CCDC148: variants seen among roughly 807,000 people sequenced by gnomAD.
CCDC148 encodes coiled-coil domain containing 148.
In CCDC148, 89 loss-of-function variants were observed where a neutral mutation model predicts 85.7. The ratio of observed to expected loss-of-function variants is 1.04; its 90% confidence interval spans 0.87 to 1.24. CCDC148 has a LOEUF of 1.24. Among genes scored for constraint, CCDC148 ranks in the 50% most tolerant of loss-of-function variants. The probability of loss-of-function intolerance (pLI) is 0.00; values close to 1 mark genes in which losing one functional copy is unlikely to be tolerated. For missense variants in CCDC148, 692 were observed against 671.7 expected (o/e 1.03, Z -0.33); for synonymous variants, 230 against 213.9 (o/e 1.08, Z -0.66).
intron 10 of CCDC148, among the ~76,000 whole-genome samples, chr2:158,228,785 A>T (rs1039133593): frequency 2.3e-5 from 3 of 132,574 alleles, no homozygotes; most frequent in African/African-American, 8.3e-5. Context: ...AGAAAGGGGA[A>T]CATCACACAC....
intron 1 of CCDC148, chr2:158,393,254 A>G (rs1685390118): frequency 2.0e-5 from 3 of 152,102 alleles, no homozygotes. Context: ...TCAAATCAAT[A>G]AAAATAGGTC....
chr2:158,180,965 C>T (rs114501347), intron 11 of CCDC148, among the ~76,000 whole-genome samples: 169 of 152,238 alleles, frequency 1.1e-3, no homozygotes, highest in Middle Eastern at 0.01. Context: ...CTTTCTCTCA[C>T]GCCTCCATGT....
At chr2:158,377,205 A>C (rs1452895616) in intron 1 of CCDC148, among the ~76,000 whole-genome samples, 1 of 151,900 alleles carries the variant, frequency 6.6e-6, no homozygotes, top group Non-Finnish European at 1.5e-5. Context: ...AGGAAAAATA[A>C]ACTGCTCTTC....
At chr2:158,172,472 A>C (rs1684363549) in intron 13 of CCDC148, among the ~76,000 whole-genome samples, 2 of 152,042 alleles carry the variant, frequency 1.3e-5, no homozygotes, top group African/African-American at 4.8e-5. Flanking sequence ...TGTAGGGTAT[A>C]TAGAACATAG....
At chr2:158,433,993 C>T (rs1687509173) in intron 1 of CCDC148, among the ~76,000 whole-genome samples, 1 of 152,238 alleles carries the variant, frequency 6.6e-6, no homozygotes, top group African/African-American at 2.4e-5. Context: ...GGGTGAAGCC[C>T]ACCGCAGATC....
At chr2:158,203,825 G>C (rs1049521439) in intron 11 of CCDC148, among the ~76,000 whole-genome samples, 4 of 152,210 alleles carry the variant, frequency 2.6e-5, no homozygotes, top group African/African-American at 9.6e-5. Context: ...ACACTTAGTA[G>C]AGAAGTGGAA....
At chr2:158,221,192 G>C (rs982783186) in intron 10 of CCDC148, among the ~76,000 whole-genome samples, 1 of 152,208 alleles carries the variant, frequency 6.6e-6, no homozygotes, top group African/African-American at 2.4e-5. Flanking sequence ...TTCTGGGGAA[G>C]TGGCAGGAGA....
chr2:158,330,402 C>A (rs1693035517), intron 7 of CCDC148, among the ~76,000 whole-genome samples: 1 of 152,150 alleles, frequency 6.6e-6, no homozygotes, highest in Non-Finnish European at 1.5e-5. Context: ...CTGCAGGATT[C>A]AGTTTGCCAG....
intron 11 of CCDC148, among the ~76,000 whole-genome samples, chr2:158,215,830 G>A (rs887399117): frequency 9.9e-5 from 15 of 152,050 alleles, no homozygotes; most frequent in Admixed American, 1.3e-4. Flanking sequence ...TGGATATGTA[G>A]CCCTCACGGT....
At chr2:158,304,057 A>G (rs1691569924) in intron 9 of CCDC148, among the ~76,000 whole-genome samples, 1 of 152,124 alleles carries the variant, frequency 6.6e-6, no homozygotes, top group African/African-American at 2.4e-5. Context: ...AAAACTCAGC[A>G]GAATGCATGG....
intron 7 of CCDC148, among the ~76,000 whole-genome samples, chr2:158,330,821 T>G (rs1693064614): frequency 6.6e-6 from 1 of 152,188 alleles, no homozygotes; most frequent in African/African-American, 2.4e-5. Context: ...TATTCTCTGA[T>G]GGTAGTTTGT....
intron 9 of CCDC148, among the ~76,000 whole-genome samples, chr2:158,294,741 T>C (rs1433266862): frequency 1.3e-5 from 2 of 150,832 alleles, no homozygotes; most frequent in Non-Finnish European, 2.9e-5. Flanking sequence ...TGAGAATTGC[T>C]TGAACCTAGG....
chr2:158,417,881 A>G (rs572889679), intron 1 of CCDC148, among the ~76,000 whole-genome samples: 59 of 152,316 alleles, frequency 3.9e-4, no homozygotes, highest in African/African-American at 1.4e-3. Flanking sequence ...AGGTGGTACA[A>G]TTAAAGGTAA....
At chr2:158,323,198 G>T (rs530540261) in intron 7 of CCDC148, among the ~76,000 whole-genome samples, 1 of 152,144 alleles carries the variant, frequency 6.6e-6, no homozygotes, top group East Asian at 1.9e-4. Context: ...ATCCTTTAAA[G>T]CTGTGCTGTC....
At chr2:158,387,367 T>C (rs933894416) in intron 1 of CCDC148, among the ~76,000 whole-genome samples, 12 of 152,166 alleles carry the variant, frequency 7.9e-5, no homozygotes, top group Non-Finnish European at 1.8e-4. Flanking sequence ...GTAGGGTTCA[T>C]TATAGTTTTC....
intron 9 of CCDC148, among the ~76,000 whole-genome samples, chr2:158,276,366 G>A (rs1406278640): frequency 2.6e-5 from 4 of 152,076 alleles, no homozygotes; most frequent in East Asian, 3.9e-4. Context: ...CCTGGGAAGC[G>A]GAGGTTGCAG....
chr2:158,233,422 G>GT (rs1427058565), intron 10 of CCDC148, among the ~76,000 whole-genome samples: 7 of 150,782 alleles, frequency 4.6e-5, no homozygotes, highest in Non-Finnish European at 2.9e-5. Flanking sequence ...TTGCCACATA[G>GT]TTTTTACAAC....
chr2:158,337,280 T>C (rs1283222784), intron 7 of CCDC148, among the ~76,000 whole-genome samples: 1 of 152,164 alleles, frequency 6.6e-6, no homozygotes, highest in African/African-American at 2.4e-5. Flanking sequence ...GAGGAGGTAC[T>C]GGGCCAGCCA....
At chr2:158,327,505 C>T (rs893280455) in intron 7 of CCDC148, among the ~76,000 whole-genome samples, 1 of 152,116 alleles carries the variant, frequency 6.6e-6, no homozygotes, top group African/African-American at 2.4e-5. Context: ...GCTTCTTTTC[C>T]CTTTAACTCA....
Sources: allele counts gnomAD v4.1 joint callset (sites outside exome capture counted in the v4.1 genomes callset), GRCh38; gene constraint gnomAD v4.1.1; transcripts MANE v1.5; gene names NCBI Gene and HGNC (gene_info 2026-07-23, HGNC 2026-07-21).